Variants in HECW2 observed in about 807,000 individuals in gnomAD.
The protein encoded by HECW2 is HECT, C2 and WW domain containing E3 ubiquitin protein ligase 2.
Under a neutral mutation model 175.2 loss-of-function variants are expected in HECW2, and 61 were observed. The ratio of observed to expected loss-of-function variants is 0.35; its 90% CI spans 0.28 to 0.43. The LOEUF (loss-of-function observed/expected upper bound fraction) is 0.43. Ranked by LOEUF, HECW2 falls within the 20% of genes least tolerant of loss-of-function variation. The pLI is 1.00. For missense variants in HECW2, 1,524 were observed against 2,000.5 expected (o/e 0.76, Z 4.54); for synonymous variants, 671 against 731.0 (o/e 0.92, Z 1.32).
chr2:196,452,889 T>C (rs1696388833), intron 1 of HECW2, among the ~76,000 whole-genome samples: 1 of 151,820 alleles, frequency 6.6e-6, no homozygotes, highest in Non-Finnish European at 1.5e-5. Flanking sequence ...AAGATAATCT[T>C]CTAATTTGAG....
chr2:196,538,165 T>G (rs1689083555), intron 1 of HECW2, among the ~76,000 whole-genome samples: 1 of 152,206 alleles, frequency 6.6e-6, no homozygotes, highest in Non-Finnish European at 1.5e-5. Context: ...CTGTAACCTC[T>G]CCACCTCCTT....
intron 19 of HECW2, 90 bp downstream of exon 19, chr2:196,253,830 C>T (rs1688948859): frequency 8.5e-7 from 1 of 1,178,948 alleles, no homozygotes; most frequent in East Asian, 2.4e-5. Context: ...CTGAAGTGTT[C>T]CCTTACTGTT....
intron 1 of HECW2, among the ~76,000 whole-genome samples, chr2:196,578,824 C>G (rs1239128223): frequency 2.0e-5 from 3 of 152,016 alleles, no homozygotes; most frequent in African/African-American, 7.2e-5. Context: ...AATCTGTCAC[C>G]ATCACATCCT....
At chr2:196,401,947 T>A (rs1327046133) in intron 2 of HECW2, among the ~76,000 whole-genome samples, 1 of 152,084 alleles carries the variant, frequency 6.6e-6, no homozygotes, top group Non-Finnish European at 1.5e-5. Flanking sequence ...ACGCCTGTAA[T>A]CCCAGCACTT....
intron 28 of HECW2, among the ~76,000 whole-genome samples, chr2:196,210,803 A>G (rs1279333546): frequency 6.7e-6 from 1 of 149,650 alleles, no homozygotes; most frequent in Non-Finnish European, 1.5e-5. Context: ...TTTTTTTTTA[A>G]GTAGAGATGG....
intron 1 of HECW2, among the ~76,000 whole-genome samples, chr2:196,458,497 G>T (rs1226408352): frequency 6.6e-6 from 1 of 151,466 alleles, no homozygotes; most frequent in Non-Finnish European, 1.5e-5. Context: ...ATGTGACTTC[G>T]CATTACTAGT....
At chr2:196,584,022 A>G (rs1376397885) in intron 1 of HECW2, among the ~76,000 whole-genome samples, 1 of 152,202 alleles carries the variant, frequency 6.6e-6, no homozygotes, top group Non-Finnish European at 1.5e-5. Context: ...CTCCTCCTAT[A>G]AGATACTTAC....
intron 3 of HECW2, among the ~76,000 whole-genome samples, chr2:196,342,766 C>T (rs1692804310): frequency 6.6e-6 from 1 of 152,144 alleles, no homozygotes; most frequent in Admixed American, 6.5e-5. Context: ...TTTGAAAAGA[C>T]TGGGGTCCAC....
At chr2:196,244,159 C>T (rs946972098) in intron 19 of HECW2, among the ~76,000 whole-genome samples, 10 of 152,108 alleles carry the variant, frequency 6.6e-5, no homozygotes, top group African/African-American at 2.4e-4. Flanking sequence ...GTTAGGTTCA[C>T]CAATGGATGT....
chr2:196,302,130 T>C lies in HECW2; in HGVS notation c.2814+4358A>G, dbSNP rs150359180. 5.7e-3 allele frequency among the ~76,000 whole-genome samples: 875 copies of C among 152,316 alleles called. 7 individuals are homozygous for C. Among genetic ancestry groups the C allele is most frequent in the Middle Eastern group, 0.02 (6 of 294 alleles). ...TAGCCAGTTCTCCCACCACCACTTA[T>C]TAAATAGGGAATCAATCCTTTCCCC... On this transcript the variant is annotated intron_variant, in intron 13 of 28. Coordinates refer to ENST00000644978, the MANE Select transcript of HECW2 (RefSeq NM_001348768.2).
Position 196,279,799 on chromosome 2 carries a change from T to C in HECW2, c.3001-1137A>G, listed in dbSNP as rs1018838332. Among the ~76,000 whole-genome samples, 32 of 152,228 alleles carry C rather than the reference T, an allele frequency of 2.1e-4. 1 individual carries two copies. Among genetic ancestry groups the C allele is most frequent in the Non-Finnish European group, 2.8e-4 (19 of 68,046 alleles). Reference sequence around the variant, plus strand: ...AGTCACTTAAGTTCTCTGAGCTATATGTTTCTTACAAAAACATGTCTCCTT... The same window carrying C: ...AGTCACTTAAGTTCTCTGAGCTATACGTTTCTTACAAAAACATGTCTCCTT... On this transcript the variant is annotated intron_variant, in intron 14 of 28. Transcript: ENST00000644978.
intron 4 of HECW2, among the ~76,000 whole-genome samples, chr2:196,331,487 C>T (rs1388495324): frequency 6.6e-6 from 1 of 152,186 alleles, no homozygotes; most frequent in East Asian, 1.9e-4. Flanking sequence ...CCACACGCCC[C>T]AGTAAGATGT....
intron 28 of HECW2, among the ~76,000 whole-genome samples, chr2:196,214,036 G>A (rs986683661): frequency 2.0e-5 from 3 of 152,180 alleles, no homozygotes; most frequent in African/African-American, 7.2e-5. Flanking sequence ...TATTACAGAT[G>A]ATGGTGACAG....
chr2:196,310,666 G>A (rs1157373329), intron 10 of HECW2, among the ~76,000 whole-genome samples: 2 of 152,140 alleles, frequency 1.3e-5, no homozygotes, highest in African/African-American at 4.8e-5. Context: ...AAATGAGATA[G>A]GCAGAGTTAG....
chr2:196,273,996 T>C, intron 16 of HECW2, 25 bp downstream of exon 16: 3 of 1,503,032 alleles, frequency 2.0e-6, no homozygotes, highest in Non-Finnish European at 2.8e-6. Flanking sequence ...AAAGGACAGA[T>C]GATTTCTGGA....
intron 5 of HECW2, among the ~76,000 whole-genome samples, chr2:196,328,570 G>T (rs970901380): frequency 1.3e-5 from 2 of 152,144 alleles, no homozygotes; most frequent in Non-Finnish European, 2.9e-5. Context: ...TCTGTTTCAG[G>T]ATCAGGTCTT....
intron 1 of HECW2, among the ~76,000 whole-genome samples, chr2:196,578,737 C>T (rs551350211): frequency 1.2e-4 from 18 of 152,262 alleles, no homozygotes; most frequent in African/African-American, 4.3e-4. Flanking sequence ...TCAACCAAGA[C>T]TTCTATAACT....
At chr2:196,421,972 G>A (rs1294494543) in intron 2 of HECW2, among the ~76,000 whole-genome samples, 4 of 152,036 alleles carry the variant, frequency 2.6e-5, no homozygotes, top group African/African-American at 4.8e-5. Flanking sequence ...TCTTCCACAC[G>A]CATATTAAAA....
intron 1 of HECW2, among the ~76,000 whole-genome samples, chr2:196,438,412 T>C (rs1281112240): frequency 1.3e-5 from 2 of 152,248 alleles, no homozygotes; most frequent in South Asian, 2.1e-4. Flanking sequence ...CAGTTACTAA[T>C]TTTTTTCTTT....
Sources: gnomAD v4.1 joint callset for allele counts (sites outside exome capture counted in the v4.1 genomes callset) on GRCh38, gnomAD v4.1.1 for gene constraint, MANE v1.5 for transcripts, NCBI Gene and HGNC (gene_info 2026-07-23, HGNC 2026-07-21) for gene names.